Variants in ATRIP observed in about 807,000 individuals in gnomAD.
ATRIP encodes the protein ATR-interacting protein.
ATRIP carries 44 observed loss-of-function variants against 78.1 expected under a neutral mutation model. The observed-to-expected ratio is 0.56, with a 90% CI of 0.44 to 0.72. The LOEUF (loss-of-function observed/expected upper bound fraction) is 0.72. ATRIP is among the 30% of genes least tolerant of loss of function. The probability of loss-of-function intolerance (pLI) is 0.00; values close to 1 mark genes in which losing one functional copy is unlikely to be tolerated. For synonymous variants in ATRIP, 388 were observed against 408.9 expected, an observed-to-expected ratio of 0.95 and a Z score of 0.62; for missense variants, 927 against 980.2, an observed-to-expected ratio of 0.95 and a Z score of 0.72.
At chr3:48,465,371 C>T (rs2040251373) in intron 12 of ATRIP, 116 bp from the exon 13 acceptor site, 3 of 1,051,746 alleles carry the variant, frequency 2.9e-6, no homozygotes, top group African/African-American at 1.6e-5. Context: ...GGGAGCAGGG[C>T]CTGGGTGTGG....
rs1377174720 is a variant in ATRIP at position 48,459,366 on chromosome 3, G to A, written c.837G>A (p.Lys279=). 1.9e-6 allele frequency: 3 copies of A among 1,613,666 alleles called. No homozygotes were observed. Among genetic ancestry groups the A allele is most frequent in the Non-Finnish European group, 2.5e-6 (3 of 1,179,738 alleles). The change falls in exon 6 of 13, where the codon AAG becomes AAA. Residue 279 remains lysine, a synonymous_variant. Coordinates refer to ENST00000320211, the MANE Select transcript of ATRIP (RefSeq NM_130384.3). ...YKPLVGREDS[K]PHSLRGDSIK... The stretch of plus-strand genomic sequence containing the variant: ...CATTTTATCACATTTCAGATAGTAA[G>A]CCCCACAGTCTGAGAGGTGACTCCA...
chr3:48,453,926 T>C (rs1389674671), intron 3 of ATRIP, among the ~76,000 whole-genome samples: 1 of 152,150 alleles, frequency 6.6e-6, no homozygotes, highest in African/African-American at 2.4e-5. Context: ...CTTTTTTTTA[T>C]TTTTTAAATT....
At chr3:48,449,668 C>T (rs2107191167) in intron 1 of ATRIP, among the ~76,000 whole-genome samples, 1 of 151,024 alleles carries the variant, frequency 6.6e-6, no homozygotes, top group East Asian at 2.0e-4. Flanking sequence ...TGGCTGACGC[C>T]TGTAATCCCA....
At chr3:48,458,042 C>T (rs1266796597) in intron 5 of ATRIP, among the ~76,000 whole-genome samples, 1 of 150,428 alleles carries the variant, frequency 6.6e-6, no homozygotes, top group Non-Finnish European at 1.5e-5. Context: ...AAGCTTATAC[C>T]TTTTGAAGGG....
intron 5 of ATRIP, among the ~76,000 whole-genome samples, chr3:48,458,002 C>G (rs932783748): frequency 3.3e-5 from 5 of 151,648 alleles, no homozygotes; most frequent in African/African-American, 9.7e-5. Context: ...TTAGGTATAT[C>G]TCCTAATGCT....
In ATRIP at chr3:48,466,992, C is replaced by G. The variant is rs759594113; in HGVS notation, c.*1438C>G. On this transcript the variant is annotated 3_prime_UTR_variant, in exon 13 of 13. Transcript: ENST00000320211. ...GGCCAACCTGCTCCTAGCCTTCCTG[C>G]GGCGCCAGCCACAGCCCTGGTGCCT... 1 of 1,613,184 alleles carries G rather than the reference C, an allele frequency of 6.2e-7. No individual in the cohort carries two copies. Among genetic ancestry groups the G allele is most frequent in the Non-Finnish European group, 8.5e-7 (1 of 1,180,044 alleles).
intron 4 of ATRIP, among the ~76,000 whole-genome samples, chr3:48,455,028 A>C (rs1448946953): frequency 6.6e-6 from 1 of 151,862 alleles, no homozygotes; most frequent in Non-Finnish European, 1.5e-5. Flanking sequence ...ACGCCCAGCT[A>C]ATTTTTGTAT....
intron 8 of ATRIP, among the ~76,000 whole-genome samples, chr3:48,463,218 C>G (rs2040168259): frequency 6.6e-6 from 1 of 152,290 alleles, no homozygotes; most frequent in South Asian, 2.1e-4. Context: ...TGCCCAGAAC[C>G]CCTCCCTCCT....
intron 4 of ATRIP, among the ~76,000 whole-genome samples, chr3:48,454,692 A>G (rs897427700): frequency 6.6e-6 from 1 of 152,004 alleles, no homozygotes; most frequent in African/African-American, 2.4e-5. Flanking sequence ...ATGATCTCCA[A>G]ATTTTGGGGG....
intron 8 of ATRIP, among the ~76,000 whole-genome samples, chr3:48,461,615 G>A (rs1473673891): frequency 6.6e-6 from 1 of 152,202 alleles, no homozygotes; most frequent in Non-Finnish European, 1.5e-5. Context: ...GTGTAGTGTG[G>A]GCAGTGGGAT....
chr3:48,450,425 A>G, intron 2 of ATRIP: 1 of 1,100,352 alleles, frequency 9.1e-7, no homozygotes, highest in South Asian at 1.3e-5. Context: ...GGGTACTAAG[A>G]TGAATTTATA....
chr3:48,447,093 G>T lies in ATRIP; in HGVS notation c.247+1G>T. 6.5e-7 allele frequency: 1 copy of T among 1,530,382 alleles called. No homozygotes were observed. Among genetic ancestry groups the T allele is most frequent in the Non-Finnish European group, 8.8e-7 (1 of 1,139,368 alleles). The allele number at this position is 1,530,382 out of a possible 1,614,324, so 94.8% of individuals were successfully genotyped here. ...CCGGCCGCGGCTCGGGACGTGTCCA[G>T]TGAGTGCTCCTCGCGGCCTTTTGCT... On this transcript the variant is annotated splice_donor_variant, in intron 1 of 12. Transcript: ENST00000320211. LOFTEE classifies it high-confidence loss of function.
In ATRIP at chr3:48,464,051, C is replaced by T; in HGVS notation, c.1893C>T (p.Leu631=). Residue 631 remains leucine, a synonymous_variant, in exon 10 of 13, where the codon CTC becomes CTT. Coordinates refer to ENST00000320211, the MANE Select transcript of ATRIP (RefSeq NM_130384.3). ...PQLCSHSEGC[L]LLLLYMYITS... The stretch of plus-strand genomic sequence containing the variant: ...CGCTGTCCTTTTCAGAAGGCTGCCT[C>T]CTGCTGCTGCTGTACATGTACATCA... 6.2e-7 allele frequency: 1 copy of T among 1,613,670 alleles called. No individual in the cohort carries two copies. The highest frequency in any genetic ancestry group is 8.5e-7 in the Non-Finnish European group (1 of 1,179,990).
rs199626708 is a variant in ATRIP, at chr3:48,459,183, T to A, written c.830-176T>A. Reference sequence around the variant, plus strand: ...TTTCTTTTCCTTTCCTTGTATGAGTTCCTGTTTTACATAAGGAAGGTAAAA... The same window carrying A: ...TTTCTTTTCCTTTCCTTGTATGAGTACCTGTTTTACATAAGGAAGGTAAAA... On this transcript the variant is annotated intron_variant, in intron 5 of 12. Coordinates refer to ENST00000320211, the MANE Select transcript of ATRIP (RefSeq NM_130384.3). Among the ~76,000 whole-genome samples the A allele has an allele frequency of 3.9e-5, 6 of 152,366 alleles. No individual in the cohort carries two copies. The East Asian group carries it at 1.2e-3, about 29-fold the overall frequency.
In ATRIP at chr3:48,464,562, C is replaced by G; in HGVS notation, c.1975-20C>G. ...TGGTCTCCTTCTGCCCAGGATGGAACCAATCTGTTCTTGTTCTAGGTGGTG... is the reference window on the plus strand; with the variant it reads ...TGGTCTCCTTCTGCCCAGGATGGAAGCAATCTGTTCTTGTTCTAGGTGGTG... On this transcript the variant is annotated intron_variant, in intron 10 of 12. Transcript: ENST00000320211. 6.2e-7 allele frequency: 1 copy of G among 1,613,546 alleles called. No homozygotes were observed. Among genetic ancestry groups the G allele is most frequent in the Non-Finnish European group, 8.5e-7 (1 of 1,179,456 alleles).
At chr3:48,463,711 G>A (rs1309376383) in intron 8 of ATRIP, 34 bp from the exon 9 acceptor site, 1 of 1,612,938 alleles carries the variant, frequency 6.2e-7, no homozygotes, top group East Asian at 2.2e-5. Flanking sequence ...TGGGGTTGGG[G>A]AGTGTCACGT....
At chr3:48,447,598 C>A in intron 1 of ATRIP, 1 of 929,714 alleles carries the variant, frequency 1.1e-6, no homozygotes, top group Non-Finnish European at 1.3e-6. Flanking sequence ...GGAACTGCAG[C>A]TGACCTTACA....
At position 48,464,923 on chromosome 3, in the gene ATRIP, A is replaced by G; in HGVS notation, c.2148A>G (p.Thr716=). ...GPPRTDQQRR[T]VRCLRDTVLL... ...CAAGGACCGACCAGCAGAGGCGGACAGTGCGCTGTCTGCGGGACACGGTGC... is the reference window on the plus strand; with the variant it reads ...CAAGGACCGACCAGCAGAGGCGGACGGTGCGCTGTCTGCGGGACACGGTGC... Residue 716 remains threonine (T), a synonymous_variant, in exon 12 of 13, where the codon ACA becomes ACG. Coordinates refer to ENST00000320211, the MANE Select transcript of ATRIP (RefSeq NM_130384.3). The G allele has an allele frequency of 1.2e-6, 2 of 1,614,184 alleles. No individual in the cohort carries two copies. The highest frequency in any genetic ancestry group is 2.2e-5 in the South Asian group (2 of 91,092).
intron 8 of ATRIP, among the ~76,000 whole-genome samples, chr3:48,462,469 C>T (rs1326818906): frequency 2.0e-5 from 3 of 152,096 alleles, no homozygotes; most frequent in Non-Finnish European, 2.9e-5. Flanking sequence ...TTTAGGAAGC[C>T]GAGGTGGGTG....
Sources: allele counts gnomAD v4.1 joint callset (sites outside exome capture counted in the v4.1 genomes callset), GRCh38; gene constraint gnomAD v4.1.1; transcripts MANE v1.5; gene names NCBI Gene and HGNC (gene_info 2026-07-23, HGNC 2026-07-21).